Variants in TMEM132D observed in about 807,000 individuals in gnomAD.
The protein encoded by TMEM132D is transmembrane protein 132D.
TMEM132D carries 21 observed loss-of-function variants against 62.3 expected under a neutral mutation model. The ratio of observed to expected loss-of-function variants is 0.34; its 90% CI spans 0.24 to 0.49. The LOEUF is 0.49. Ranked by LOEUF, TMEM132D falls within the 20% of genes least tolerant of loss-of-function variation. TMEM132D has a pLI of 0.99. For synonymous variants in TMEM132D, 621 were observed against 575.6 expected (o/e 1.08, Z -1.13); for missense variants, 1,346 against 1,402.8 (o/e 0.96, Z 0.65).
intron 4 of TMEM132D, among the ~76,000 whole-genome samples, chr12:129,316,872 T>A (rs1868505171): frequency 6.6e-6 from 1 of 152,232 alleles, no homozygotes; most frequent in Non-Finnish European, 1.5e-5. Flanking sequence ...GATTTCCTGT[T>A]GGACAAGGCC....
At chr12:129,871,257 T>C (rs2137377134) in intron 1 of TMEM132D, among the ~76,000 whole-genome samples, 1 of 152,324 alleles carries the variant, frequency 6.6e-6, no homozygotes, top group Admixed American at 6.5e-5. Flanking sequence ...GGAAACATTC[T>C]CTTGGTTTTA....
At chr12:129,873,082 A>T (rs956031809) in intron 1 of TMEM132D, among the ~76,000 whole-genome samples, 1 of 152,228 alleles carries the variant, frequency 6.6e-6, no homozygotes, top group Non-Finnish European at 1.5e-5. Flanking sequence ...TGATAGACCC[A>T]TTACAAAAAG....
chr12:129,406,731 C>T (rs1009041805), intron 3 of TMEM132D, among the ~76,000 whole-genome samples: 1 of 152,134 alleles, frequency 6.6e-6, no homozygotes. Context: ...ACTTCGTATG[C>T]CTCATAGGCT....
In TMEM132D at chr12:129,136,447, T is replaced by C. The variant is rs1003313975; in HGVS notation, c.1444-51745A>G. Among the ~76,000 whole-genome samples, 14 of 152,354 alleles carry C rather than the reference T, an allele frequency of 9.2e-5. No homozygotes were observed. The South Asian group carries it at 1.5e-3, about 16-fold the overall frequency. On this transcript the variant is annotated intron_variant, in intron 5 of 8. Transcript: ENST00000422113. ...TTTGTAGAATGTTCCTCAGTTTGGA[T>C]AGTCCAGTGCTTTCTCAGGATTAAA...
chr12:129,178,240 A>G (rs1354247745), intron 5 of TMEM132D, among the ~76,000 whole-genome samples: 2 of 152,156 alleles, frequency 1.3e-5, no homozygotes, highest in Non-Finnish European at 2.9e-5. Flanking sequence ...ATACATGTGC[A>G]TGTATCTTTA....
intron 3 of TMEM132D, among the ~76,000 whole-genome samples, chr12:129,382,770 T>C (rs1356005793): frequency 6.6e-6 from 1 of 152,078 alleles, no homozygotes; most frequent in Non-Finnish European, 1.5e-5. Flanking sequence ...GGTGAACACA[T>C]GTTTAGACCC....
Position 129,610,740 on chromosome 12 carries a change from T to TAA in TMEM132D, c.969-79537_969-79536dup, listed in dbSNP as rs71451322. Among the ~76,000 whole-genome samples the TAA allele has an allele frequency of 2.2e-3, 317 of 146,054 alleles. 1 individual carries two copies. The highest frequency in any genetic ancestry group is 3.5e-3 in the Middle Eastern group (1 of 282). The stretch of plus-strand genomic sequence containing the variant: ...AAGTAAGTAATTGATGATGTTAACA[T>TAA]AAAAAAAAAAAACTTTAGAAGGCTG... On this transcript the variant is annotated intron_variant, in intron 2 of 8. Coordinates refer to ENST00000422113, the MANE Select transcript of TMEM132D (RefSeq NM_133448.3).
At chr12:129,634,617 CTAAAT>C (rs1417565272) in intron 2 of TMEM132D, among the ~76,000 whole-genome samples, 1 of 152,012 alleles carries the variant, frequency 6.6e-6, no homozygotes, top group Admixed American at 6.6e-5. Context: ...TTGGACTATA[CTAAAT>C]TATTCATGTG....
chr12:129,879,257 G>A (rs770629016), intron 1 of TMEM132D, among the ~76,000 whole-genome samples: 2 of 152,202 alleles, frequency 1.3e-5, no homozygotes, highest in Non-Finnish European at 2.9e-5. Context: ...ATTAGAGTCA[G>A]ATGGGAAGAT....
intron 3 of TMEM132D, among the ~76,000 whole-genome samples, chr12:129,375,625 C>G (rs2135683488): frequency 6.6e-6 from 1 of 152,288 alleles, no homozygotes; most frequent in South Asian, 2.1e-4. Flanking sequence ...GTATGGAGAG[C>G]ATGCCCTTTA....
At chr12:129,513,429 T>A (rs1875552627) in intron 3 of TMEM132D, among the ~76,000 whole-genome samples, 1 of 152,142 alleles carries the variant, frequency 6.6e-6, no homozygotes, top group Non-Finnish European at 1.5e-5. Flanking sequence ...CAATTTTTTT[T>A]TAATTGACCT....
chr12:129,769,389 G>A (rs1870655544), intron 1 of TMEM132D, among the ~76,000 whole-genome samples: 1 of 152,144 alleles, frequency 6.6e-6, no homozygotes. Flanking sequence ...CAGATCTCAT[G>A]AGACTTATTC....
chr12:129,234,739 G>A (rs1014381732), intron 4 of TMEM132D, among the ~76,000 whole-genome samples: 1 of 152,140 alleles, frequency 6.6e-6, no homozygotes, highest in African/African-American at 2.4e-5. Context: ...AATCTGATAG[G>A]TTTTAATAAC....
At chr12:129,142,863 T>C (rs772294099) in intron 5 of TMEM132D, among the ~76,000 whole-genome samples, 2 of 152,138 alleles carry the variant, frequency 1.3e-5, no homozygotes, top group Non-Finnish European at 2.9e-5. Context: ...TCCCAAAGCA[T>C]CCACTAATTT....
intron 1 of TMEM132D, among the ~76,000 whole-genome samples, chr12:129,828,855 TAG>T (rs1485801787): frequency 7.2e-6 from 1 of 138,436 alleles, no homozygotes; most frequent in Non-Finnish European, 1.5e-5. Flanking sequence ...AGGTATCCTC[TAG>T]AGGAAAAAAT....
At chr12:129,765,392 C>T (rs1593153136) in intron 1 of TMEM132D, among the ~76,000 whole-genome samples, 2 of 152,108 alleles carry the variant, frequency 1.3e-5, no homozygotes, top group South Asian at 2.1e-4. Flanking sequence ...CATGGAGAAA[C>T]CCCATCTCTA....
chr12:129,205,841 A>C (rs1389530592), intron 5 of TMEM132D, among the ~76,000 whole-genome samples: 1 of 152,194 alleles, frequency 6.6e-6, no homozygotes, highest in African/African-American at 2.4e-5. Context: ...CAGCACAATG[A>C]AAACAGAAAT....
chr12:129,755,721 A>T (rs76764642), intron 1 of TMEM132D, among the ~76,000 whole-genome samples: 3,527 of 152,288 alleles, frequency 0.023, 211 homozygotes, highest in East Asian at 0.15. Context: ...AATGGGCTAG[A>T]CTTTAGAGAG....
intron 5 of TMEM132D, among the ~76,000 whole-genome samples, chr12:129,183,955 C>T (rs915253461): frequency 1.1e-4 from 17 of 152,190 alleles, no homozygotes; most frequent in Non-Finnish European, 1.3e-4. Context: ...AACAAAGGTG[C>T]CTGTCCATTG....
Sources: gnomAD v4.1 joint callset for allele counts (sites outside exome capture counted in the v4.1 genomes callset) on GRCh38, gnomAD v4.1.1 for gene constraint, MANE v1.5 for transcripts, NCBI Gene and HGNC (gene_info 2026-07-23, HGNC 2026-07-21) for gene names.